The following DCDC1 variants were observed in gnomAD, a reference collection of about 807,000 sequenced individuals.
DCDC1 encodes doublecortin domain containing 1.
In DCDC1, 200 loss-of-function variants were observed where a neutral mutation model predicts 178.3. The observed-to-expected ratio is 1.12, with a 90% CI of 1.00 to 1.26. DCDC1 has a LOEUF of 1.26. Ranked by LOEUF, DCDC1 falls within the 50% of genes most tolerant of loss-of-function variation. The pLI is 0.00. For synonymous variants in DCDC1, 690 were observed against 604.8 expected, an observed-to-expected ratio of 1.14 and a Z score of -2.07; for missense variants, 1,983 against 1,749.2, an observed-to-expected ratio of 1.13 and a Z score of -2.38.
intron 22 of DCDC1, among the ~76,000 whole-genome samples, chr11:30,927,518 G>GT: frequency 6.6e-6 from 1 of 152,152 alleles, no homozygotes; most frequent in South Asian, 2.1e-4. Flanking sequence ...AGGAAAACAA[G>GT]CCTTGGAGAA....
chr11:31,193,508 G>T (rs1970359197), intron 9 of DCDC1, among the ~76,000 whole-genome samples: 1 of 152,050 alleles, frequency 6.6e-6, no homozygotes, highest in Non-Finnish European at 1.5e-5. Flanking sequence ...AATTAAAAAT[G>T]TGAAACACTT....
chr11:31,136,893 C>T (rs1008145905), intron 10 of DCDC1, among the ~76,000 whole-genome samples: 1 of 152,092 alleles, frequency 6.6e-6, no homozygotes, highest in Non-Finnish European at 1.5e-5. Flanking sequence ...TACAATATTG[C>T]CTACAGAATC....
chr11:30,915,403 G>T, intron 27 of DCDC1, 108 bp downstream of exon 27: 2 of 1,173,158 alleles, frequency 1.7e-6, no homozygotes, highest in Non-Finnish European at 2.4e-6. Flanking sequence ...TTAAATAGAA[G>T]ACCCAGAATT....
chr11:31,163,998 T>A (rs1966546695), intron 9 of DCDC1, among the ~76,000 whole-genome samples: 1 of 152,110 alleles, frequency 6.6e-6, no homozygotes, highest in African/African-American at 2.4e-5. Context: ...TCTTATCCAA[T>A]CTTGCTTCTA....
In DCDC1 at chr11:30,986,171, T is replaced by C. The variant is rs113314843; in HGVS notation, c.2592-33603A>G. Among the ~76,000 whole-genome samples the C allele has an allele frequency of 4.1e-3, 628 of 152,054 alleles. 6 individuals carry two copies. The highest frequency in any genetic ancestry group is 0.014 in the African/African-American group (599 of 41,476). On this transcript the variant is annotated intron_variant, in intron 20 of 38. Coordinates refer to ENST00000684477, the MANE Select transcript of DCDC1 (RefSeq NM_001387274.1). ...CTTTTCCTTCCCTGTGGTTGCTTCA[T>C]GGTCACAAATAATTGCTGCAGCTCC...
intron 2 of DCDC1, among the ~76,000 whole-genome samples, chr11:31,330,693 A>T (rs551854384): frequency 2.8e-4 from 43 of 152,332 alleles, no homozygotes; most frequent in African/African-American, 1.0e-3. Context: ...GGTTTGTCAA[A>T]GATCAGAGGG....
At chr11:30,889,161 G>A (rs1317906974) in intron 36 of DCDC1, among the ~76,000 whole-genome samples, 1 of 152,164 alleles carries the variant, frequency 6.6e-6, no homozygotes, top group Non-Finnish European at 1.5e-5. Context: ...TAGAAGGAGG[G>A]GCACAGGCAA....
rs1940816494 is a variant in DCDC1 at position 30,864,141 on chromosome 11, G to A, written c.*1232C>T. 6.6e-6 allele frequency: 1 copy of A among 151,898 alleles called. No individual in the cohort carries two copies. The highest frequency in any genetic ancestry group is 1.5e-5 in the Non-Finnish European group (1 of 67,988). 9.4% of individuals were successfully genotyped at this position (151,898 alleles called of 1,614,324 possible). On this transcript the variant is annotated 3_prime_UTR_variant, in exon 39 of 39. Coordinates refer to ENST00000684477, the MANE Select transcript of DCDC1 (RefSeq NM_001387274.1). ...GACTCCATCTCAAAAAAAAAAAATTGCATATCTGTATTTTGTGAGATTATG... is the reference window on the plus strand; with the variant it reads ...GACTCCATCTCAAAAAAAAAAAATTACATATCTGTATTTTGTGAGATTATG...
chr11:30,922,133 T>C (rs1207610171), intron 24 of DCDC1, among the ~76,000 whole-genome samples: 2 of 152,204 alleles, frequency 1.3e-5, no homozygotes, highest in Non-Finnish European at 2.9e-5. Flanking sequence ...GTGCTTTTTT[T>C]CTATCTTAGA....
rs369842723 is a variant in DCDC1, at chr11:31,083,080, T to C, written c.2238-5155A>G. 7.2e-5 allele frequency among the ~76,000 whole-genome samples: 11 copies of C among 152,336 alleles called. No homozygotes were observed. The East Asian group carries it at 2.1e-3, about 29-fold the overall frequency. Reference sequence around the variant, plus strand: ...TATACAGCTACACTTGCTGATTGTATGTAAAGGAGTCCTTAAAGCAGCGTG... The same window carrying C: ...TATACAGCTACACTTGCTGATTGTACGTAAAGGAGTCCTTAAAGCAGCGTG... On this transcript the variant is annotated intron_variant, in intron 17 of 38. Coordinates refer to ENST00000684477, the MANE Select transcript of DCDC1 (RefSeq NM_001387274.1).
At chr11:31,039,649 A>G (rs759960381) in intron 20 of DCDC1, among the ~76,000 whole-genome samples, 1 of 152,192 alleles carries the variant, frequency 6.6e-6, no homozygotes, top group Non-Finnish European at 1.5e-5. Context: ...AAAAATTAAG[A>G]TAAAGTTCCT....
intron 8 of DCDC1, among the ~76,000 whole-genome samples, chr11:31,259,545 T>A (rs1455656098): frequency 1.8e-4 from 27 of 152,158 alleles, no homozygotes; most frequent in Admixed American, 1.8e-3. Context: ...GGAAACTGAC[T>A]CTCAGAGAAG....
At chr11:31,268,035 G>T (rs1419296523) in intron 7 of DCDC1, among the ~76,000 whole-genome samples, 1 of 152,180 alleles carries the variant, frequency 6.6e-6, no homozygotes, top group Admixed American at 6.5e-5. Context: ...AGCATCTACA[G>T]TTGGTCTCAT....
intron 1 of DCDC1, among the ~76,000 whole-genome samples, chr11:31,341,886 A>C (rs1456404529): frequency 6.6e-6 from 1 of 151,582 alleles, no homozygotes; most frequent in Non-Finnish European, 1.5e-5. Context: ...TGACTAATAT[A>C]CCCTCTTTCA....
intron 9 of DCDC1, among the ~76,000 whole-genome samples, chr11:31,237,925 T>C (rs1254649863): frequency 1.3e-5 from 2 of 152,072 alleles, no homozygotes; most frequent in Non-Finnish European, 2.9e-5. Context: ...GCTATGACTC[T>C]TCCTAATTAA....
chr11:31,058,509 G>T (rs1042464512), intron 20 of DCDC1, among the ~76,000 whole-genome samples: 2 of 152,082 alleles, frequency 1.3e-5, no homozygotes, highest in African/African-American at 4.8e-5. Context: ...GAGAATGATA[G>T]GGTATGAGCA....
At chr11:31,165,005 A>G (rs956838512) in intron 9 of DCDC1, among the ~76,000 whole-genome samples, 1 of 152,178 alleles carries the variant, frequency 6.6e-6, no homozygotes, top group African/African-American at 2.4e-5. Flanking sequence ...ATTATGTAAC[A>G]ATTGCCTACA....
chr11:31,257,733 CAT>C (rs1555150077), intron 8 of DCDC1, among the ~76,000 whole-genome samples: 19 of 151,712 alleles, frequency 1.3e-4, no homozygotes, highest in East Asian at 9.7e-4. Context: ...CACACACACA[CAT>C]ACACACACGC....
intron 34 of DCDC1, among the ~76,000 whole-genome samples, chr11:30,896,208 T>A (rs964084151): frequency 7.2e-5 from 11 of 152,328 alleles, no homozygotes; most frequent in African/African-American, 2.6e-4. Context: ...AACGAATTGT[T>A]TTTTATTTTC....
Sources: gnomAD v4.1 joint callset for allele counts (sites outside exome capture counted in the v4.1 genomes callset) on GRCh38, gnomAD v4.1.1 for gene constraint, MANE v1.5 for transcripts, NCBI Gene and HGNC (gene_info 2026-07-23, HGNC 2026-07-21) for gene names.